PRKACB: variants seen among roughly 807,000 people sequenced by gnomAD.
The protein encoded by PRKACB is cAMP-dependent protein kinase catalytic subunit beta.
Under a neutral mutation model 51.4 loss-of-function variants are expected in PRKACB, and 16 were observed. That is an observed-to-expected ratio of 0.31 (90% CI 0.21 to 0.47). The LOEUF (loss-of-function observed/expected upper bound fraction) is 0.47. Among genes scored for constraint, PRKACB ranks in the 20% least tolerant of loss-of-function variants. PRKACB has a pLI of 1.00. For synonymous variants in PRKACB, 147 were observed against 154.4 expected (o/e 0.95, Z 0.35); for missense variants, 309 against 464.5 (o/e 0.67, Z 3.08).
intron 1 of PRKACB, among the ~76,000 whole-genome samples, chr1:84,170,389 G>A (rs1036941640): frequency 4.0e-5 from 6 of 151,650 alleles, no homozygotes; most frequent in African/African-American, 1.5e-4. Flanking sequence ...GAACAGGGGA[G>A]GGATGTGTGT....
intron 1 of PRKACB, among the ~76,000 whole-genome samples, chr1:84,125,833 T>G (rs1409433328): frequency 3.9e-5 from 6 of 152,344 alleles, no homozygotes; most frequent in African/African-American, 1.2e-4. Context: ...AGTAAGCATC[T>G]CAAATTTAAT....
chr1:84,101,567 A>C (rs1649353363), intron 1 of PRKACB, among the ~76,000 whole-genome samples: 1 of 152,158 alleles, frequency 6.6e-6, no homozygotes, highest in African/African-American at 2.4e-5. Context: ...ACTCATTCTT[A>C]TCACCTCCTC....
In PRKACB at chr1:84,193,712, T is replaced by G. The variant is rs548885429; in HGVS notation, c.561-2904T>G. ...CAGGAAGCTTTAGCAGCTAGGCATG[T>G]GGAAAATTTAATTCTTGGAGCAGGT... On this transcript the variant is annotated intron_variant, in intron 5 of 9. Coordinates refer to ENST00000370685, the MANE Select transcript of PRKACB (RefSeq NM_182948.4). Among the ~76,000 whole-genome samples the G allele has an allele frequency of 2.0e-5, 3 of 152,260 alleles. No individual in the cohort carries two copies. The East Asian group carries it at 5.8e-4, about 29-fold the overall frequency.
intron 1 of PRKACB, among the ~76,000 whole-genome samples, chr1:84,099,812 T>G (rs1054749080): frequency 1.3e-5 from 2 of 152,226 alleles, no homozygotes; most frequent in East Asian, 3.8e-4. Context: ...TCCTATGTAA[T>G]GTATTACTCT....
chr1:84,186,614 A>G lies in PRKACB; in HGVS notation c.560+1432A>G, dbSNP rs186192039. 6.1e-4 allele frequency among the ~76,000 whole-genome samples: 93 copies of G among 152,226 alleles called. No homozygotes were observed. In the East Asian group the frequency reaches 0.01, roughly 17 times the overall value. On this transcript the variant is annotated intron_variant, in intron 5 of 9. Coordinates refer to ENST00000370685, the MANE Select transcript of PRKACB (RefSeq NM_182948.4). ...GGTATGATGAGAATGACTAATTTGT[A>G]TAATCAGCTTTCACATTTTTCCCTT...
upstream of PRKACB, chr1:84,144,130 G>T (rs1272383388): frequency 6.1e-6 from 4 of 653,762 alleles, no homozygotes; most frequent in South Asian, 2.9e-5. Flanking sequence ...AGCCTTTTAG[G>T]CAGATATTGC....
intron 1 of PRKACB, among the ~76,000 whole-genome samples, chr1:84,094,593 G>GT (rs754276274): frequency 8.2e-4 from 125 of 151,984 alleles, no homozygotes; most frequent in Non-Finnish European, 1.4e-3. Context: ...TTTGAAGTTT[G>GT]TTGATACTTG....
chr1:84,192,853 T>C (rs1005349356), intron 5 of PRKACB, among the ~76,000 whole-genome samples: 1 of 152,204 alleles, frequency 6.6e-6, no homozygotes, highest in African/African-American at 2.4e-5. Context: ...CTTCAAACTT[T>C]GAGAGCCTAT....
chr1:84,151,179 C>CACACAGTAAAA (rs2100642327), intron 1 of PRKACB, among the ~76,000 whole-genome samples: 1 of 152,234 alleles, frequency 6.6e-6, no homozygotes, highest in South Asian at 2.1e-4. Flanking sequence ...CACAGTAAAG[C>CACACAGTAAAA]AAGTCACACA....
At chr1:84,165,630 T>C (rs951504576) in intron 1 of PRKACB, among the ~76,000 whole-genome samples, 13 of 151,798 alleles carry the variant, frequency 8.6e-5, no homozygotes, top group African/African-American at 3.1e-4. Context: ...TGACAACTAG[T>C]CTTTTTTGTT....
intron 5 of PRKACB, among the ~76,000 whole-genome samples, chr1:84,194,779 A>G (rs1218170655): frequency 6.6e-6 from 1 of 152,012 alleles, no homozygotes; most frequent in Non-Finnish European, 1.5e-5. Context: ...ACACATACAA[A>G]TACAAAAAAT....
Position 84,085,841 on chromosome 1 carries a change from C to A in PRKACB, c.46+7470C>A, listed in dbSNP as rs1647932123. 1.6e-5 allele frequency: 8 copies of A among 486,118 alleles called. No homozygotes were observed. The East Asian group carries it at 2.6e-4, about 16-fold the overall frequency. 30.1% of individuals were successfully genotyped at this position (486,118 alleles called of 1,614,324 possible). On this transcript the variant is annotated intron_variant, in intron 1 of 8. Transcript: ENST00000370688. ...CCTCTCACTTCTGGAGCCCTGCAGA[C>A]CCCACAGTGCAGTCCTGGTGGCCTG... is the stretch of plus-strand genomic sequence containing the variant.
intron 8 of PRKACB, chr1:84,204,329 C>T: frequency 2.1e-6 from 1 of 472,716 alleles, no homozygotes; most frequent in Middle Eastern, 3.2e-4. Flanking sequence ...ATAAACCTAG[C>T]TAGGTGTTGA....
chr1:84,143,323 G>T (rs190885491), upstream of PRKACB, among the ~76,000 whole-genome samples: 158 of 152,160 alleles, frequency 1.0e-3, no homozygotes, highest in Admixed American at 2.6e-3. Context: ...ATGGTGGTGC[G>T]CGCCTATAAT....
intron 1 of PRKACB, among the ~76,000 whole-genome samples, chr1:84,099,828 C>T (rs1421276682): frequency 1.3e-4 from 20 of 151,962 alleles, no homozygotes; most frequent in Admixed American, 1.3e-3. Flanking sequence ...ACTCTTGGTA[C>T]CGAGAAGATG....
intron 1 of PRKACB, among the ~76,000 whole-genome samples, chr1:84,134,672 C>G (rs895272747): frequency 2.6e-5 from 4 of 151,816 alleles, no homozygotes; most frequent in African/African-American, 4.8e-5. Flanking sequence ...AAAAATAGGA[C>G]GGGGAAGAAA....
At chr1:84,102,795 T>C (rs1649451624) in intron 1 of PRKACB, among the ~76,000 whole-genome samples, 1 of 152,144 alleles carries the variant, frequency 6.6e-6, no homozygotes, top group South Asian at 2.1e-4. Context: ...AGAGTACAGC[T>C]AAGAGACAAG....
At chr1:84,194,969 A>G (rs983525915) in intron 5 of PRKACB, among the ~76,000 whole-genome samples, 2 of 152,190 alleles carry the variant, frequency 1.3e-5, no homozygotes, top group Non-Finnish European at 2.9e-5. Context: ...TGTTCCTCCA[A>G]TTAAACACCA....
chr1:84,200,389 T>C (rs1669744482), intron 7 of PRKACB, among the ~76,000 whole-genome samples: 1 of 152,232 alleles, frequency 6.6e-6, no homozygotes, highest in African/African-American at 2.4e-5. Flanking sequence ...ATTAGACCTT[T>C]GGCAGATGCA....
Sources: allele counts gnomAD v4.1 joint callset (sites outside exome capture counted in the v4.1 genomes callset), GRCh38; gene constraint gnomAD v4.1.1; transcripts MANE v1.5; gene names NCBI Gene and HGNC (gene_info 2026-07-23, HGNC 2026-07-21).